PCBP3: variants seen among roughly 807,000 people sequenced by gnomAD.
PCBP3 encodes poly(rC)-binding protein 3.
In PCBP3, 25 loss-of-function variants were observed where a neutral mutation model predicts 52.7. That is an observed-to-expected ratio of 0.47 (90% CI 0.35 to 0.66). PCBP3 has a LOEUF of 0.66. Ranked by LOEUF, PCBP3 falls within the 30% of genes least tolerant of loss-of-function variation. The pLI, the probability that PCBP3 is intolerant of heterozygous loss-of-function variation, is 0.01. For synonymous variants in PCBP3, 162 were observed against 183.0 expected (o/e 0.89, Z 0.93); for missense variants, 391 against 490.3 (o/e 0.80, Z 1.91).
At chr21:45,666,135 T>C (rs1307339891) in intron 1 of PCBP3, among the ~76,000 whole-genome samples, 1 of 152,130 alleles carries the variant, frequency 6.6e-6, no homozygotes, top group East Asian at 1.9e-4. Context: ...ATTCAAACCA[T>C]TTATGAAAGA....
intron 4 of PCBP3, among the ~76,000 whole-genome samples, chr21:45,768,299 A>G (rs987739411): frequency 1.3e-5 from 2 of 152,214 alleles, no homozygotes; most frequent in East Asian, 3.8e-4. Flanking sequence ...CTTGGACAAG[A>G]TGAAGGTTTC....
At chr21:45,674,489 T>C (rs2081350121) in intron 2 of PCBP3, among the ~76,000 whole-genome samples, 1 of 152,208 alleles carries the variant, frequency 6.6e-6, no homozygotes, top group Non-Finnish European at 1.5e-5. Context: ...CTCTGTCTCC[T>C]TCTTTGGTTT....
intron 4 of PCBP3, among the ~76,000 whole-genome samples, chr21:45,771,696 G>A (rs192583887): frequency 2.7e-4 from 41 of 152,120 alleles, no homozygotes; most frequent in African/African-American, 9.9e-4. Flanking sequence ...CTAAGATGAG[G>A]AGTAAGGCAA....
intron 1 of PCBP3, among the ~76,000 whole-genome samples, chr21:45,661,694 G>A (rs1448186741): frequency 6.6e-6 from 1 of 152,092 alleles, no homozygotes; most frequent in Non-Finnish European, 1.5e-5. Context: ...CAGATCAAAT[G>A]GTAGTTCTAT....
intron 2 of PCBP3, among the ~76,000 whole-genome samples, chr21:45,720,849 C>G (rs1399569829): frequency 6.6e-6 from 1 of 152,230 alleles, no homozygotes; most frequent in Admixed American, 6.5e-5. Flanking sequence ...GTTGCATGTT[C>G]TAAGATGATT....
In PCBP3 at chr21:45,802,066, C is replaced by T. The variant is rs73378589; in HGVS notation, c.-126+46614C>T. ...CCTTGAGGGCATCGTCATGATTCAG[C>T]AGTGACTTCTGGGCTGGGTGGTTAG... On this transcript the variant is annotated intron_variant, in intron 4 of 17. Coordinates refer to ENST00000681687, the MANE Select transcript of PCBP3 (RefSeq NM_001384156.1). The surrounding 1 kb of genome is among the most constrained non-coding windows in gnomAD (Gnocchi z 5.1). Among the ~76,000 whole-genome samples, 741 of 152,318 alleles carry T rather than the reference C, an allele frequency of 4.9e-3. 7 individuals carry two copies. The highest frequency in any genetic ancestry group is 0.016 in the African/African-American group (678 of 41,580).
At chr21:45,933,224 C>T (rs1235340075) in intron 15 of PCBP3, among the ~76,000 whole-genome samples, 3 of 152,200 alleles carry the variant, frequency 2.0e-5, no homozygotes, top group African/African-American at 7.2e-5. Flanking sequence ...GACGAATGAA[C>T]ACCTGGGCCA....
At chr21:45,645,611 G>A (rs530749031) in intron 1 of PCBP3, among the ~76,000 whole-genome samples, 56 of 152,268 alleles carry the variant, frequency 3.7e-4, no homozygotes, top group African/African-American at 1.3e-3. Flanking sequence ...TTTTGAAGAA[G>A]CTATTCTTTA....
intron 2 of PCBP3, among the ~76,000 whole-genome samples, chr21:45,708,816 A>G (rs964543437): frequency 1.3e-5 from 2 of 152,224 alleles, no homozygotes; most frequent in African/African-American, 4.8e-5. Flanking sequence ...GGGCGGAAGA[A>G]TCCTTTGTTC....
intron 5 of PCBP3, chr21:45,859,851 C>T (rs935585824): frequency 1.3e-5 from 2 of 152,344 alleles, no homozygotes; most frequent in Non-Finnish European, 2.9e-5. Context: ...GGCAGGCGGC[C>T]TCTTCCTTCA....
chr21:45,759,379 A>C (rs2088393150), intron 4 of PCBP3, among the ~76,000 whole-genome samples: 1 of 150,742 alleles, frequency 6.6e-6, no homozygotes, highest in South Asian at 2.1e-4. Flanking sequence ...TGTGGATCTG[A>C]GTTTTTGTTT....
intron 5 of PCBP3, chr21:45,872,093 A>C (rs2839030): frequency 0.79 from 120,553 of 152,254 alleles, 48,517 homozygotes; most frequent in East Asian, 1. Flanking sequence ...CTGGGCATCC[A>C]GCACGCCTTA....
At chr21:45,816,726 G>A (rs2092975057) in intron 4 of PCBP3, among the ~76,000 whole-genome samples, 1 of 148,104 alleles carries the variant, frequency 6.8e-6, no homozygotes, top group South Asian at 2.3e-4. Flanking sequence ...ACCTGACTGA[G>A]GCTGTTCTAT....
chr21:45,936,295 C>A (rs934557124), intron 16 of PCBP3, among the ~76,000 whole-genome samples: 13 of 152,214 alleles, frequency 8.5e-5, no homozygotes, highest in Admixed American at 2.6e-4. Context: ...CTGGCTGGTG[C>A]CACTGACCCG....
At chr21:45,718,207 CT>C (rs1037623779) in intron 2 of PCBP3, among the ~76,000 whole-genome samples, 363 of 134,840 alleles carry the variant, frequency 2.7e-3, no homozygotes, top group African/African-American at 3.9e-3. Flanking sequence ...GTCTTCTCTC[CT>C]TTTTTTTTTT....
intron 4 of PCBP3, among the ~76,000 whole-genome samples, chr21:45,814,729 TGGTG>T (rs201327761): frequency 7.4e-6 from 1 of 134,814 alleles, no homozygotes. Flanking sequence ...GAGTGGTGAG[TGGTG>T]AGTGAGTGGT....
chr21:45,720,081 A>C (rs1001588300), intron 2 of PCBP3, among the ~76,000 whole-genome samples: 50 of 152,186 alleles, frequency 3.3e-4, no homozygotes, highest in African/African-American at 1.2e-3. Flanking sequence ...ATATGTTAAA[A>C]ATATTATACT....
At chr21:45,832,564 C>T (rs1314591729) in intron 4 of PCBP3, 3 of 152,240 alleles carry the variant, frequency 2.0e-5, no homozygotes, top group Non-Finnish European at 4.4e-5. Flanking sequence ...CCCACACCTA[C>T]ATCATGTTGA....
chr21:45,822,879 G>A (rs2093184334), intron 4 of PCBP3, among the ~76,000 whole-genome samples: 1 of 152,182 alleles, frequency 6.6e-6, no homozygotes, highest in Non-Finnish European at 1.5e-5. Flanking sequence ...GGTACAGGAA[G>A]GGGCTATGAG....
Sources: allele counts gnomAD v4.1 joint callset (sites outside exome capture counted in the v4.1 genomes callset), GRCh38; gene constraint gnomAD v4.1.1; non-coding constraint Gnocchi (gnomAD v3.1); transcripts MANE v1.5; gene names NCBI Gene and HGNC (gene_info 2026-07-23, HGNC 2026-07-21).